Variants in PCDHA2 observed in about 807,000 individuals in gnomAD.
The protein encoded by PCDHA2 is protocadherin alpha 2.
Under a neutral mutation model 66.0 loss-of-function variants are expected in PCDHA2, and 58 were observed. The ratio of observed to expected loss-of-function variants is 0.88; its 90% CI spans 0.71 to 1.09. The LOEUF (loss-of-function observed/expected upper bound fraction) is 1.09, where lower values mean the gene tolerates loss of function less well. Ranked by LOEUF, PCDHA2 falls within the 50% of genes least tolerant of loss-of-function variation. The probability of loss-of-function intolerance (pLI) is 0.00; values close to 1 mark genes in which losing one functional copy is unlikely to be tolerated. For synonymous variants in PCDHA2, 634 were observed against 554.0 expected, an observed-to-expected ratio of 1.14 and a Z score of -2.03; for missense variants, 1,267 against 1,242.3, an observed-to-expected ratio of 1.02 and a Z score of -0.30.
chr5:140,883,640 C>G (rs143631680), intron 1 of PCDHA2: 2 of 1,613,958 alleles, frequency 1.2e-6, no homozygotes, highest in Non-Finnish European at 1.7e-6. Context: ...GTTCGCGCAG[C>G]CCGAGTACAC....
intron 1 of PCDHA2, among the ~76,000 whole-genome samples, chr5:140,969,974 A>G (rs11750201): frequency 0.017 from 2,514 of 152,228 alleles, 25 homozygotes; most frequent in Middle Eastern, 0.037. Flanking sequence ...TGATGTGGCA[A>G]CTCTTCTGTA....
At position 140,856,153 on chromosome 5, in the gene PCDHA2, C is replaced by G. The variant is rs1554148270; in HGVS notation, c.2388+58801C>G. 8 of 1,598,310 alleles carry G rather than the reference C, an allele frequency of 5.0e-6. 1 individual carries two copies. Among genetic ancestry groups the G allele is most frequent in the Non-Finnish European group, 6.9e-6 (8 of 1,167,862 alleles). On this transcript the variant is annotated intron_variant, in intron 1 of 3. Transcript: ENST00000526136. The stretch of plus-strand genomic sequence containing the variant: ...GCGGCCAGCTCCACTACTCAGTCTA[C>G]GAGGAGGCCAGACACGGCACCTTCG...
intron 1 of PCDHA2, chr5:140,836,538 A>T: frequency 6.2e-7 from 1 of 1,613,734 alleles, no homozygotes; most frequent in Non-Finnish European, 8.5e-7. Context: ...GCTGCTGTAC[A>T]CGGCGTTGCG....
At chr5:140,929,424 A>G in intron 1 of PCDHA2, 1 of 1,496,380 alleles carries the variant, frequency 6.7e-7, no homozygotes, top group East Asian at 2.3e-5. Flanking sequence ...ACATTTCATC[A>G]ATTGAACTAA....
At chr5:140,826,515 G>A (rs2150144072) in intron 1 of PCDHA2, among the ~76,000 whole-genome samples, 1 of 152,158 alleles carries the variant, frequency 6.6e-6, no homozygotes, top group Non-Finnish European at 1.5e-5. Flanking sequence ...AGATGATCAT[G>A]TCATTTGAAA....
At chr5:140,824,356 T>C in intron 1 of PCDHA2, 1 of 579,334 alleles carries the variant, frequency 1.7e-6, no homozygotes. Context: ...TAATATTTTA[T>C]ATTAGCATTT....
In PCDHA2 at chr5:140,870,962, C is replaced by A. The variant is rs1489353896; in HGVS notation, c.2388+73610C>A. 7 of 1,613,532 alleles carry A rather than the reference C, an allele frequency of 4.3e-6. No individual in the cohort carries two copies. In the Admixed American group the frequency reaches 1.2e-4, roughly 27 times the overall value. On this transcript the variant is annotated intron_variant, in intron 1 of 3. Transcript: ENST00000526136. Reference sequence around the variant, plus strand: ...CCGGCGGCGGGCGGCTCGCGCATCCCGTTCCGCGTGGGGCTGTACACGGGC... The same window carrying A: ...CCGGCGGCGGGCGGCTCGCGCATCCAGTTCCGCGTGGGGCTGTACACGGGC...
In PCDHA2 at chr5:140,855,898, G is replaced by C; in HGVS notation, c.2388+58546G>C. On this transcript the variant is annotated intron_variant, in intron 1 of 3. Transcript: ENST00000526136. ...ATAGCTTTTTAGAACAAAGGCATCA[G>C]CCAGTTTCTCAAGGACTAGGAAGTA... is the stretch of plus-strand genomic sequence containing the variant. 1.9e-6 allele frequency: 2 copies of C among 1,070,112 alleles called. 1 individual carries two copies. The highest frequency in any genetic ancestry group is 2.7e-6 in the Non-Finnish European group (2 of 750,306). The allele number at this position is 1,070,112 out of a possible 1,614,324, so 66.3% of individuals were successfully genotyped here.
In PCDHA2 at chr5:140,992,699, T is replaced by A. The variant is rs149489820; in HGVS notation, c.2536+10136T>A. Among the ~76,000 whole-genome samples the A allele has an allele frequency of 7.6e-3, 1,153 of 152,282 alleles. 6 individuals carry two copies. The highest frequency in any genetic ancestry group is 0.014 in the Middle Eastern group (4 of 294). On this transcript the variant is annotated intron_variant, in intron 3 of 3. Transcript: ENST00000526136. ...GTGTTAGGGGTTGAGGGGTGGGTAA[T>A]GTTCCTGCCAGTATTCGTAAATCCC...
At chr5:140,992,918 A>C (rs1362238628) in intron 3 of PCDHA2, among the ~76,000 whole-genome samples, 2 of 152,186 alleles carry the variant, frequency 1.3e-5, no homozygotes, top group Non-Finnish European at 2.9e-5. Context: ...GGCCCTCTCC[A>C]TACTTACAGC....
chr5:141,006,507 C>T (rs2098276539), intron 3 of PCDHA2, among the ~76,000 whole-genome samples: 1 of 152,156 alleles, frequency 6.6e-6, no homozygotes, highest in Admixed American at 6.5e-5. Flanking sequence ...GCCACCGCGC[C>T]TGGCTGTTAT....
At position 140,796,788 on chromosome 5, in the gene PCDHA2, G is replaced by T; in HGVS notation, c.1824G>T (p.Ser608=). 3 of 1,614,118 alleles carry T rather than the reference G, an allele frequency of 1.9e-6. No homozygotes were observed. Among genetic ancestry groups the T allele is most frequent in the Non-Finnish European group, 2.5e-6 (3 of 1,179,972 alleles). The part of the protein sequence containing the change: ...DADSGYNAWL[S]YELQLGTGSA... The stretch of plus-strand genomic sequence containing the variant: ...ACTCAGGCTACAACGCGTGGCTTTC[G>T]TACGAGCTTCAGCTGGGTACTGGCA... The change falls in exon 1 of 4, where the codon TCG becomes TCT. Residue 608 remains serine, a synonymous_variant. Transcript: ENST00000526136.
chr5:140,938,500 T>C (rs1450018538), intron 1 of PCDHA2, among the ~76,000 whole-genome samples: 2 of 152,156 alleles, frequency 1.3e-5, no homozygotes, highest in Non-Finnish European at 2.9e-5. Context: ...AGGCATTGAA[T>C]TTATCACATA....
chr5:140,841,459 C>T, intron 1 of PCDHA2: 2 of 1,612,886 alleles, frequency 1.2e-6, no homozygotes, highest in South Asian at 1.1e-5. Context: ...CCTTCGTGGG[C>T]CGGATCGCGC....
chr5:140,942,478 C>T (rs2093304158), intron 1 of PCDHA2, among the ~76,000 whole-genome samples: 1 of 151,408 alleles, frequency 6.6e-6, no homozygotes, highest in African/African-American at 2.4e-5. Flanking sequence ...ATTCAAGCTA[C>T]AACTGAAATA....
chr5:140,967,185 A>G, intron 1 of PCDHA2: 1 of 1,613,242 alleles, frequency 6.2e-7, no homozygotes, highest in Non-Finnish European at 8.5e-7. Context: ...GAAATATTGG[A>G]CATCAACGAC....
chr5:140,989,242 C>T (rs562894633), intron 3 of PCDHA2, among the ~76,000 whole-genome samples: 5 of 152,226 alleles, frequency 3.3e-5, no homozygotes, highest in African/African-American at 1.2e-4. Flanking sequence ...GTTTTAAGCC[C>T]CTTGTCAAAA....
intron 1 of PCDHA2, chr5:140,926,257 C>T (rs888723043): frequency 5.2e-5 from 8 of 152,418 alleles, no homozygotes; most frequent in African/African-American, 1.4e-4. Context: ...ACCGTCCCGC[C>T]TCTCGCCGCC....
intron 1 of PCDHA2, among the ~76,000 whole-genome samples, chr5:140,940,230 T>C (rs1554213224): frequency 6.6e-6 from 1 of 152,212 alleles, no homozygotes; most frequent in Non-Finnish European, 1.5e-5. Flanking sequence ...TTCATTTTGG[T>C]ACATTAAAGT....
Sources: gnomAD v4.1 joint callset for allele counts (sites outside exome capture counted in the v4.1 genomes callset) on GRCh38, gnomAD v4.1.1 for gene constraint, MANE v1.5 for transcripts, NCBI Gene and HGNC (gene_info 2026-07-23, HGNC 2026-07-21) for gene names.